ZNF160: variants seen among roughly 807,000 people sequenced by gnomAD.
The protein encoded by ZNF160 is zinc finger protein 160.
A neutral mutation model predicts 13.1 loss-of-function variants in ZNF160; 9 were observed. The ratio of observed to expected loss-of-function variants is 0.69; its 90% confidence interval spans 0.41 to 1.20. The LOEUF (loss-of-function observed/expected upper bound fraction) is 1.20. Ranked by LOEUF, ZNF160 falls within the 50% of genes most tolerant of loss-of-function variation. The probability of loss-of-function intolerance (pLI) is 0.01; values close to 1 mark genes in which losing one functional copy is unlikely to be tolerated. For synonymous variants in ZNF160, 293 were observed against 333.2 expected (o/e 0.88, Z 1.31); for missense variants, 838 against 988.0 (o/e 0.85, Z 2.04).
intron 3 of ZNF160, among the ~76,000 whole-genome samples, chr19:53,083,067 C>T (rs1040563746): frequency 6.6e-6 from 1 of 152,182 alleles, no homozygotes; most frequent in Non-Finnish European, 1.5e-5. Flanking sequence ...GGGGTTGGAA[C>T]TTCCATGCCC....
chr19:53,080,467 A>C (rs1244470013), intron 3 of ZNF160, among the ~76,000 whole-genome samples: 3 of 152,220 alleles, frequency 2.0e-5, no homozygotes, highest in African/African-American at 4.8e-5. Flanking sequence ...ATGCAATCCT[A>C]TTAAAAATAG....
At chr19:53,073,731 T>C (rs1433632732) in intron 5 of ZNF160, among the ~76,000 whole-genome samples, 1 of 152,196 alleles carries the variant, frequency 6.6e-6, no homozygotes, top group Non-Finnish European at 1.5e-5. Context: ...CCTCTATCTC[T>C]AAGGCAACTT....
chr19:53,085,617 A>T (rs1431350078), intron 3 of ZNF160: 1 of 162,844 alleles, frequency 6.1e-6, no homozygotes, highest in Non-Finnish European at 1.3e-5. Flanking sequence ...AGGTTCTTGT[A>T]AGAACATCAC....
In ZNF160 at chr19:53,068,331, A is replaced by C; in HGVS notation, c.2203T>G (p.Cys735Gly). The change falls in exon 6 of 6, where the codon TGT (cysteine) becomes GGT (glycine). Residue 735 changes from cysteine to glycine, a missense_variant. Physicochemically the swap from Cys to Gly is radical, Grantham distance 159. This residue lies in a region of ZNF160 where 400 missense variants were observed against 538.9 expected (regional missense o/e 0.74). Coordinates refer to ENST00000683776, the MANE Select transcript of ZNF160 (RefSeq NM_001322131.2). ...AIHTGKKPYK[C>G]NECGKVFTQN... The stretch of plus-strand genomic sequence containing the variant: ...GTAAAGACCTTGCCACATTCATTAC[A>C]TTTGTAAGGTTTTTTCCCAGTATGG... 1 of 1,614,072 alleles carries C rather than the reference A, an allele frequency of 6.2e-7. No homozygotes were observed. Among genetic ancestry groups the C allele is most frequent in the Non-Finnish European group, 8.5e-7 (1 of 1,180,038 alleles).
chr19:53,083,727 C>T (rs2084722227), intron 3 of ZNF160, among the ~76,000 whole-genome samples: 1 of 152,116 alleles, frequency 6.6e-6, no homozygotes, highest in African/African-American at 2.4e-5. Context: ...TAGTGAGACC[C>T]TGTCTCTACA....
Position 53,086,447 on chromosome 19 carries a change from A to G in ZNF160, c.-45-126T>C, listed in dbSNP as rs143820395. 7 of 737,880 alleles carry G rather than the reference A, an allele frequency of 9.5e-6. No homozygotes were observed. In the Admixed American group the frequency reaches 2.3e-4, roughly 24 times the overall value. The allele number at this position is 737,880 out of a possible 1,614,324, so 45.7% of individuals were successfully genotyped here. On this transcript the variant is annotated intron_variant, in intron 2 of 5. Transcript: ENST00000683776. ...CACGCACAGATCTCACCCTGTGGAA[A>G]GATGGTCCTCTGCGCCCCACTGCAC...
chr19:53,069,710 T>C lies in ZNF160; in HGVS notation c.824A>G (p.His275Arg). 2 of 1,614,250 alleles carry C rather than the reference T, an allele frequency of 1.2e-6. No individual in the cohort carries two copies. The highest frequency in any genetic ancestry group is 8.5e-7 in the Non-Finnish European group (1 of 1,180,038). Reference sequence around the variant, plus strand: ...CTTCTCTCCACTATGAATTCTCCTATGACTTGTAAGGTTCGAATTCTGAGT... The same window carrying C: ...CTTCTCTCCACTATGAATTCTCCTACGACTTGTAAGGTTCGAATTCTGAGT... ...AFTQNSNLTSHRRIHSGEKPY... is the reference protein window; with the variant it reads ...AFTQNSNLTSRRRIHSGEKPY... Residue 275 changes from histidine to arginine, a missense_variant, in exon 6 of 6, where the codon CAT becomes CGT. Physicochemically the swap from His to Arg is conservative, Grantham distance 29. Coordinates refer to ENST00000683776, the MANE Select transcript of ZNF160 (RefSeq NM_001322131.2). The surrounding 1 kb of genome is among the most constrained non-coding windows in gnomAD (Gnocchi z 4.4).
At chr19:53,077,381 T>TA (rs1442452315) in intron 3 of ZNF160, 2 of 151,976 alleles carry the variant, frequency 1.3e-5, no homozygotes, top group African/African-American at 4.8e-5. Flanking sequence ...GATAACGAGA[T>TA]ATCAAAAGAA....
chr19:53,073,370 C>G (rs2084253748), intron 5 of ZNF160: 1 of 1,598,242 alleles, frequency 6.3e-7, no homozygotes, highest in Non-Finnish European at 8.5e-7. Context: ...TATCACACAC[C>G]CCCATGAAAG....
rs188071325 is a variant in ZNF160, at chr19:53,091,486, C to G, written c.-119G>C. 6.6e-6 allele frequency: 1 copy of G among 151,706 alleles called. No homozygotes were observed. The highest frequency in any genetic ancestry group is 2.4e-5 in the African/African-American group (1 of 41,206). The allele number at this position is 151,706 out of a possible 1,614,324, so 9.4% of individuals were successfully genotyped here. ...AGCTGGGTCCCCTGTAGGCGGGGCC[C>G]GGGGCAGGCGCCTCGTGCAGAGAGG... On this transcript the variant is annotated 5_prime_UTR_variant, in exon 2 of 6. Coordinates refer to ENST00000683776, the MANE Select transcript of ZNF160 (RefSeq NM_001322131.2).
At position 53,091,823 on chromosome 19, in the gene ZNF160, A is replaced by C. The variant is rs1568501314; in HGVS notation, c.-353-103T>G. ...AGCTTAGCAGGGAGTGTACAATTTC[A>C]TGCTGATCAGCAGAACCTCCTTTCC... On this transcript the variant is annotated intron_variant, in intron 1 of 5. Transcript: ENST00000683776. 8 of 152,290 alleles carry C rather than the reference A, an allele frequency of 5.3e-5. 1 individual carries two copies. Among genetic ancestry groups the C allele is most frequent in the Admixed American group, 3.9e-4 (6 of 15,292 alleles). 9.4% of individuals were successfully genotyped at this position (152,290 alleles called of 1,614,324 possible).
intron 5 of ZNF160, among the ~76,000 whole-genome samples, chr19:53,072,627 G>A (rs540856301): frequency 7.2e-5 from 11 of 152,242 alleles, no homozygotes; most frequent in African/African-American, 2.6e-4. Context: ...TGCAGCAGGT[G>A]GATCACCTGA....
At chr19:53,098,370 G>T (rs944238309) in intron 1 of ZNF160, among the ~76,000 whole-genome samples, 1 of 152,150 alleles carries the variant, frequency 6.6e-6, no homozygotes, top group Admixed American at 6.5e-5. Flanking sequence ...ACACTGGATT[G>T]AAAGGCCTCT....
intron 3 of ZNF160, among the ~76,000 whole-genome samples, chr19:53,083,544 G>A (rs936438364): frequency 5.3e-5 from 8 of 152,268 alleles, no homozygotes; most frequent in South Asian, 2.1e-4. Flanking sequence ...GGTAAGCAAC[G>A]AAAGATTATT....
chr19:53,083,888 T>C (rs1377944366), intron 3 of ZNF160, among the ~76,000 whole-genome samples: 1 of 152,180 alleles, frequency 6.6e-6, no homozygotes, highest in Non-Finnish European at 1.5e-5. Flanking sequence ...CGCTCATTTT[T>C]CTAAGAAAAA....
chr19:53,101,697 C>CA (rs1252999409), intron 1 of ZNF160, among the ~76,000 whole-genome samples: 2 of 152,172 alleles, frequency 1.3e-5, no homozygotes, highest in African/African-American at 2.4e-5. Flanking sequence ...TCACTGCCCC[C>CA]ACCCTACCCC....
chr19:53,070,208 G>T lies in ZNF160; in HGVS notation c.326C>A (p.Thr109Lys), dbSNP rs749779810. ...KDLLPKEKSS[T>K]EAVFHTVVLE... is the part of the protein sequence containing the mutation. ...CACCACTGTGTGGAATACTGCTTCT[G>T]TACTGCTCTTCTCTTTTGGTAGCAA... Residue 109 changes from threonine to lysine, a missense_variant, in exon 6 of 6, where the codon ACA becomes AAA. Physicochemically the swap from Thr to Lys is moderately conservative, Grantham distance 78. This residue lies in a region of ZNF160 where 387 missense variants were observed against 402.3 expected (regional missense o/e 0.96). Coordinates refer to ENST00000683776, the MANE Select transcript of ZNF160 (RefSeq NM_001322131.2). The T allele has an allele frequency of 2.5e-6, 4 of 1,611,746 alleles. No homozygotes were observed. The East Asian group carries it at 8.9e-5, about 36-fold the overall frequency.
chr19:53,076,785 G>A (rs2084408535), intron 3 of ZNF160: 1 of 152,236 alleles, frequency 6.6e-6, no homozygotes, highest in African/African-American at 2.4e-5. Flanking sequence ...TCAGAGGTCA[G>A]AACTCTTTTG....
chr19:53,088,058 A>G (rs1184733571), intron 2 of ZNF160, among the ~76,000 whole-genome samples: 1 of 152,204 alleles, frequency 6.6e-6, no homozygotes, highest in Admixed American at 6.5e-5. Flanking sequence ...GAAGAGGTGT[A>G]AGGACTGAGC....
Sources: allele counts gnomAD v4.1 joint callset (sites outside exome capture counted in the v4.1 genomes callset), GRCh38; gene constraint gnomAD v4.1.1; regional missense constraint gnomAD v4.1.1; non-coding constraint Gnocchi (gnomAD v3.1); transcripts MANE v1.5; gene names NCBI Gene and HGNC (gene_info 2026-07-23, HGNC 2026-07-21).